The following PPP2R2B variants were observed in gnomAD, a reference collection of about 807,000 sequenced individuals.
PPP2R2B encodes serine/threonine-protein phosphatase 2A 55 kDa regulatory subunit B beta isoform.
PPP2R2B carries 5 observed loss-of-function variants against 46.0 expected under a neutral mutation model. The observed-to-expected ratio is 0.11, with a 90% CI of 0.06 to 0.23. PPP2R2B has a LOEUF of 0.23. Among genes scored for constraint, PPP2R2B ranks in the 10% least tolerant of loss-of-function variants. PPP2R2B has a pLI of 1.00. For missense variants in PPP2R2B, 367 were observed against 575.0 expected (o/e 0.64, Z 3.70); for synonymous variants, 215 against 206.7 (o/e 1.04, Z -0.34).
At chr5:146,972,051 G>T (rs1271331418) in intron 1 of PPP2R2B, among the ~76,000 whole-genome samples, 1 of 152,100 alleles carries the variant, frequency 6.6e-6, no homozygotes. Flanking sequence ...TTGCATTTTA[G>T]TCATCTTGTC....
chr5:146,720,072 G>A (rs1052113796), intron 2 of PPP2R2B, among the ~76,000 whole-genome samples: 4 of 152,028 alleles, frequency 2.6e-5, no homozygotes, highest in Non-Finnish European at 2.9e-5. Flanking sequence ...CATCTTTTAC[G>A]CTACTTTGCC....
chr5:146,735,638 A>G (rs1018056356), intron 2 of PPP2R2B, among the ~76,000 whole-genome samples: 15 of 152,252 alleles, frequency 9.9e-5, no homozygotes, highest in African/African-American at 3.6e-4. Context: ...GAAATATAAA[A>G]CCATGGACGT....
At position 147,014,419 on chromosome 5, in the gene PPP2R2B, A is replaced by C. The variant is rs201376705; in HGVS notation, c.79+41246T>G. On this transcript the variant is annotated intron_variant, in intron 1 of 8. Coordinates refer to the PPP2R2B transcript ENST00000336640. Reference sequence around the variant, plus strand: ...CCAAATGACTATAAATCATGCTGCTATAAAGACACATGCACACGTATGTTT... The same window carrying C: ...CCAAATGACTATAAATCATGCTGCTCTAAAGACACATGCACACGTATGTTT... 5.0e-3 allele frequency among the ~76,000 whole-genome samples: 758 copies of C among 151,394 alleles called. 16 individuals are homozygous for C. Among genetic ancestry groups the C allele is most frequent in the East Asian group, 0.028 (143 of 5,138 alleles).
chr5:146,746,254 T>C (rs1412564783), intron 2 of PPP2R2B, among the ~76,000 whole-genome samples: 2 of 152,236 alleles, frequency 1.3e-5, no homozygotes, highest in Non-Finnish European at 2.9e-5. Flanking sequence ...GTCTCTCATA[T>C]TATCTCACTT....
intron 2 of PPP2R2B, among the ~76,000 whole-genome samples, chr5:146,877,338 T>C (rs1761953123): frequency 1.3e-5 from 2 of 152,192 alleles, no homozygotes; most frequent in African/African-American, 2.4e-5. Flanking sequence ...CAGCAGAAAC[T>C]ACTGCTGCAG....
At chr5:146,742,154 C>T (rs749769908) in intron 2 of PPP2R2B, among the ~76,000 whole-genome samples, 6 of 152,110 alleles carry the variant, frequency 3.9e-5, no homozygotes, top group African/African-American at 1.4e-4. Flanking sequence ...CAACAGCCGC[C>T]GGGGGGAACT....
At chr5:146,907,799 G>C (rs1282218159) in intron 1 of PPP2R2B, among the ~76,000 whole-genome samples, 1 of 151,984 alleles carries the variant, frequency 6.6e-6, no homozygotes, top group Non-Finnish European at 1.5e-5. Context: ...TTAACTATTG[G>C]GTCCTGTGTG....
intron 2 of PPP2R2B, among the ~76,000 whole-genome samples, chr5:146,796,787 G>C (rs1205973936): frequency 1.3e-5 from 2 of 152,104 alleles, no homozygotes; most frequent in Non-Finnish European, 2.9e-5. Flanking sequence ...TCTAAGTCTG[G>C]CCAGGAAGCA....
chr5:146,760,771 G>T (rs551166809), intron 2 of PPP2R2B, among the ~76,000 whole-genome samples: 2 of 152,048 alleles, frequency 1.3e-5, no homozygotes, highest in African/African-American at 4.8e-5. Context: ...CCCTTGACTC[G>T]CATAGTTGAA....
intron 2 of PPP2R2B, among the ~76,000 whole-genome samples, chr5:147,077,907 G>T (rs538979098): frequency 2.0e-5 from 3 of 152,276 alleles, no homozygotes; most frequent in Middle Eastern, 6.8e-3. Flanking sequence ...TATTCATAAT[G>T]ATCGTCTAAG....
chr5:146,806,854 G>A (rs1334792067), intron 2 of PPP2R2B, among the ~76,000 whole-genome samples: 3 of 152,208 alleles, frequency 2.0e-5, no homozygotes, highest in Non-Finnish European at 4.4e-5. Flanking sequence ...GCCACCTGAG[G>A]AAGTATAAAA....
Position 146,742,033 on chromosome 5 carries a change from A to C in PPP2R2B, c.71-40891T>G, listed in dbSNP as rs185649024. Among the ~76,000 whole-genome samples the C allele has an allele frequency of 1.0e-3, 156 of 152,290 alleles. 1 individual carries two copies. In the East Asian group the frequency reaches 0.026, roughly 25 times the overall value. ...CTTCTTGTAATTATCTCAGGGGCCAATCTGTCTGTGTAATGGGCTCTGGAG... is the reference window on the plus strand; with the variant it reads ...CTTCTTGTAATTATCTCAGGGGCCACTCTGTCTGTGTAATGGGCTCTGGAG... On this transcript the variant is annotated intron_variant, in intron 2 of 9. Coordinates refer to ENST00000394411, the MANE Select transcript of PPP2R2B (RefSeq NM_181675.4).
At chr5:146,861,432 C>T (rs1480554051) in intron 2 of PPP2R2B, among the ~76,000 whole-genome samples, 1 of 152,090 alleles carries the variant, frequency 6.6e-6, no homozygotes, top group African/African-American at 2.4e-5. Context: ...ACCTCGTGAT[C>T]CACCCAGCTC....
chr5:146,592,741 T>A (rs976013942), intron 9 of PPP2R2B, among the ~76,000 whole-genome samples: 1 of 152,216 alleles, frequency 6.6e-6, no homozygotes, highest in Non-Finnish European at 1.5e-5. Flanking sequence ...CTTATTAACA[T>A]TAAGGTGTTA....
chr5:146,597,000 G>T (rs2151010550), intron 8 of PPP2R2B, among the ~76,000 whole-genome samples: 1 of 152,238 alleles, frequency 6.6e-6, no homozygotes, highest in East Asian at 1.9e-4. Flanking sequence ...CTAGAATTTT[G>T]CTGTCACTCC....
chr5:146,887,023 T>G (rs908328893), intron 1 of PPP2R2B, among the ~76,000 whole-genome samples: 2 of 151,990 alleles, frequency 1.3e-5, no homozygotes, highest in East Asian at 3.8e-4. Context: ...CAAACCACAT[T>G]TGTAATTGTA....
At chr5:146,745,160 C>CAGAGAGAGAGAGAGAGAGAGAGAG (rs747573157) in intron 2 of PPP2R2B, among the ~76,000 whole-genome samples, 3 of 94,948 alleles carry the variant, frequency 3.2e-5, no homozygotes, top group African/African-American at 1.2e-4. Context: ...CAGAGAAAGA[C>CAGAGAGAGAGAGAGAGAGAGAGAG]AGAGAGAGAG....
At chr5:147,036,121 C>G (rs1756021784) in intron 1 of PPP2R2B, among the ~76,000 whole-genome samples, 1 of 152,180 alleles carries the variant, frequency 6.6e-6, no homozygotes, top group Middle Eastern at 3.2e-3. Context: ...AGGAACTAAG[C>G]CCAGAATCCA....
At chr5:146,621,873 T>G (rs955976033) in intron 7 of PPP2R2B, among the ~76,000 whole-genome samples, 3 of 152,186 alleles carry the variant, frequency 2.0e-5, no homozygotes, top group Non-Finnish European at 2.9e-5. Flanking sequence ...GAGAGACAGG[T>G]TGTACTTGGT....
Sources: gnomAD v4.1 joint callset for allele counts (sites outside exome capture counted in the v4.1 genomes callset) on GRCh38, gnomAD v4.1.1 for gene constraint, MANE v1.5 for transcripts, NCBI Gene and HGNC (gene_info 2026-07-23, HGNC 2026-07-21) for gene names.